Variants in PTPRG observed in about 807,000 individuals in gnomAD.
PTPRG encodes the protein receptor-type tyrosine-protein phosphatase gamma.
Under a neutral mutation model 165.3 loss-of-function variants are expected in PTPRG, and 102 were observed. The ratio of observed to expected loss-of-function variants is 0.62; its 90% confidence interval spans 0.53 to 0.73. The LOEUF (loss-of-function observed/expected upper bound fraction) is 0.73, where lower values mean the gene tolerates loss of function less well. Ranked by LOEUF, PTPRG falls within the 30% of genes least tolerant of loss-of-function variation. The pLI is 0.00. For missense variants in PTPRG, 1,866 were observed against 1,861.4 expected (o/e 1.00, Z -0.05); for synonymous variants, 675 against 669.5 (o/e 1.01, Z -0.13).
At chr3:62,061,967 C>T (rs1001650220) in intron 4 of PTPRG, among the ~76,000 whole-genome samples, 8 of 151,414 alleles carry the variant, frequency 5.3e-5, no homozygotes, top group Admixed American at 4.0e-4. Flanking sequence ...GCTGCTTTTA[C>T]AATGGCTGGC....
At chr3:61,800,354 A>G (rs2035194108) in intron 2 of PTPRG, among the ~76,000 whole-genome samples, 1 of 152,264 alleles carries the variant, frequency 6.6e-6, no homozygotes, top group East Asian at 1.9e-4. Context: ...TCTTTGGGTC[A>G]AAAATACCCT....
At chr3:61,703,487 A>C (rs1039573334) in intron 1 of PTPRG, among the ~76,000 whole-genome samples, 1 of 152,202 alleles carries the variant, frequency 6.6e-6, no homozygotes, top group African/African-American at 2.4e-5. Flanking sequence ...CCAGATTTGG[A>C]AACCAAAAAT....
At chr3:61,820,721 A>C (rs935382264) in intron 2 of PTPRG, among the ~76,000 whole-genome samples, 2 of 147,926 alleles carry the variant, frequency 1.4e-5, no homozygotes, top group Admixed American at 1.4e-4. Context: ...GGGTAGATAG[A>C]GGCGCCTGGC....
At chr3:61,847,070 A>G (rs1467660842) in intron 2 of PTPRG, among the ~76,000 whole-genome samples, 1 of 152,146 alleles carries the variant, frequency 6.6e-6, no homozygotes, top group Non-Finnish European at 1.5e-5. Flanking sequence ...CCTTTCCCCC[A>G]GTCATATGTT....
rs886408775 is a variant in PTPRG at position 62,273,279 on chromosome 3, T to A, written c.3318+198T>A. Among the ~76,000 whole-genome samples the A allele has an allele frequency of 1.3e-5, 2 of 152,234 alleles. No individual in the cohort carries two copies. The highest frequency in any genetic ancestry group is 4.8e-5 in the African/African-American group (2 of 41,454). ...TCTGTATGGATCTTAACATTTGGAT[T>A]CCTAAATAACTACACAAGTACTTAC... On this transcript the variant is annotated intron_variant, in intron 22 of 29. Transcript: ENST00000474889. The surrounding 1 kb of genome is among the most constrained non-coding windows in gnomAD (Gnocchi z 4.1).
At chr3:62,095,227 C>G (rs1702071522) in intron 5 of PTPRG, among the ~76,000 whole-genome samples, 1 of 152,176 alleles carries the variant, frequency 6.6e-6, no homozygotes, top group Non-Finnish European at 1.5e-5. Context: ...TCAGAGGGGA[C>G]TCTTACGCCG....
chr3:61,778,000 C>CTCAT (rs111226623), intron 2 of PTPRG, among the ~76,000 whole-genome samples: 100 of 152,294 alleles, frequency 6.6e-4, no homozygotes, highest in Non-Finnish European at 9.3e-4. Flanking sequence ...GTGCCATTCA[C>CTCAT]TCATTCATTC....
chr3:61,730,165 A>T (rs1253707946), intron 1 of PTPRG, among the ~76,000 whole-genome samples: 2 of 152,150 alleles, frequency 1.3e-5, no homozygotes, highest in Non-Finnish European at 2.9e-5. Context: ...CCTGTAAGGG[A>T]TACCGTCTGT....
At chr3:61,572,849 C>T (rs1700088377) in intron 1 of PTPRG, among the ~76,000 whole-genome samples, 1 of 152,180 alleles carries the variant, frequency 6.6e-6, no homozygotes, top group Admixed American at 6.5e-5. Flanking sequence ...CAGCTGGTCC[C>T]TGGAGGTGTT....
chr3:61,798,347 T>C (rs1394792966), intron 2 of PTPRG, among the ~76,000 whole-genome samples: 1 of 152,176 alleles, frequency 6.6e-6, no homozygotes, highest in Non-Finnish European at 1.5e-5. Flanking sequence ...CCCACCAAAA[T>C]CCCGTATGTG....
chr3:62,102,658 GT>G (rs111451289), intron 5 of PTPRG, among the ~76,000 whole-genome samples: 10 of 151,200 alleles, frequency 6.6e-5, no homozygotes, highest in South Asian at 4.2e-4. Context: ...TAGGAAATCT[GT>G]TTTTTTTTCT....
At chr3:61,808,364 C>G (rs1236969206) in intron 2 of PTPRG, among the ~76,000 whole-genome samples, 1 of 152,094 alleles carries the variant, frequency 6.6e-6, no homozygotes, top group Non-Finnish European at 1.5e-5. Flanking sequence ...ATCAGAAACC[C>G]CTGGTGAACT....
chr3:61,797,487 A>G (rs1258521487), intron 2 of PTPRG, among the ~76,000 whole-genome samples: 2 of 151,984 alleles, frequency 1.3e-5, no homozygotes, highest in East Asian at 1.9e-4. Context: ...AAACATCACT[A>G]TGTGAAAGGA....
At chr3:62,176,083 T>G (rs1349160946) in intron 8 of PTPRG, among the ~76,000 whole-genome samples, 1 of 152,218 alleles carries the variant, frequency 6.6e-6, no homozygotes, top group African/African-American at 2.4e-5. Context: ...CTTATTGTTC[T>G]GGCTGTTATG....
chr3:61,956,455 C>G (rs568622802), intron 2 of PTPRG, among the ~76,000 whole-genome samples: 1 of 152,250 alleles, frequency 6.6e-6, no homozygotes, highest in South Asian at 2.1e-4. Flanking sequence ...AGCCTCACTA[C>G]TCACTGAAAA....
chr3:62,247,246 G>A (rs886999015), intron 15 of PTPRG, among the ~76,000 whole-genome samples: 1 of 152,032 alleles, frequency 6.6e-6, no homozygotes, highest in African/African-American at 2.4e-5. Flanking sequence ...AAGCAGTGGA[G>A]CTAACACTGG....
intron 8 of PTPRG, among the ~76,000 whole-genome samples, chr3:62,174,559 T>G (rs1559603717): frequency 6.6e-6 from 1 of 152,194 alleles, no homozygotes; most frequent in Non-Finnish European, 1.5e-5. Flanking sequence ...GATGCCTGAG[T>G]AAGTAGCCTA....
chr3:62,119,067 A>G (rs988464965), intron 5 of PTPRG, among the ~76,000 whole-genome samples: 2 of 152,244 alleles, frequency 1.3e-5, no homozygotes, highest in African/African-American at 4.8e-5. Flanking sequence ...ATAAAGTGCA[A>G]GCCCTGCCCT....
intron 1 of PTPRG, among the ~76,000 whole-genome samples, chr3:61,578,091 T>C (rs1700205775): frequency 6.6e-6 from 1 of 152,096 alleles, no homozygotes; most frequent in African/African-American, 2.4e-5. Flanking sequence ...AGCTCATGAG[T>C]AGACATTTAG....
Sources: gnomAD v4.1 joint callset for allele counts (sites outside exome capture counted in the v4.1 genomes callset) on GRCh38, gnomAD v4.1.1 for gene constraint, Gnocchi (gnomAD v3.1) non-coding constraint, MANE v1.5 for transcripts, NCBI Gene and HGNC (gene_info 2026-07-23, HGNC 2026-07-21) for gene names.